Variants in SLC71A2 observed in about 807,000 individuals in gnomAD.
The protein encoded by SLC71A2 is hippocampus abundant transcript-like 1.
the SLC71A2 span, among the ~76,000 whole-genome samples, chr9:94,389,532 G>A: frequency 2.0e-5 from 3 of 150,940 alleles, no homozygotes; most frequent in African/African-American, 4.9e-5. Context: ...GCCCGCCTTG[G>A]CCTCCCAAAG....
the SLC71A2 span, among the ~76,000 whole-genome samples, chr9:94,435,643 C>CCTT: frequency 7.6e-6 from 1 of 132,404 alleles, no homozygotes; most frequent in East Asian, 2.1e-4. Context: ...GAACCTTTTT[C>CCTT]CTTCTTCTTT....
At chr9:94,442,578 C>T in the SLC71A2 span, among the ~76,000 whole-genome samples, 954 of 152,218 alleles carry the variant, frequency 6.3e-3, 8 homozygotes, top group African/African-American at 0.021. Flanking sequence ...AGGCCGGGTG[C>T]GGTGGCTCAC....
At chr9:94,400,691 C>T in the SLC71A2 span, among the ~76,000 whole-genome samples, 6 of 152,080 alleles carry the variant, frequency 3.9e-5, no homozygotes, top group Admixed American at 6.6e-5. Flanking sequence ...CTACATTCTG[C>T]GTTCCATCCT....
the SLC71A2 span, among the ~76,000 whole-genome samples, chr9:94,395,334 TTTC>T: frequency 6.6e-6 from 1 of 152,204 alleles, no homozygotes; most frequent in African/African-American, 2.4e-5. Flanking sequence ...ATATTCTTGA[TTTC>T]TTAACTTGCT....
the SLC71A2 span, among the ~76,000 whole-genome samples, chr9:94,413,127 T>A: frequency 8.3e-4 from 126 of 151,432 alleles, 1 homozygote; most frequent in African/African-American, 3.0e-3. Context: ...AGTATCAAGA[T>A]CATGAAAGTA....
At chr9:94,445,794 A>T in the SLC71A2 span, among the ~76,000 whole-genome samples, 1 of 152,188 alleles carries the variant, frequency 6.6e-6, no homozygotes, top group Non-Finnish European at 1.5e-5. Context: ...TAGACAAAAA[A>T]AGAACCAGCA....
chr9:94,455,705 C>T, the SLC71A2 span, among the ~76,000 whole-genome samples: 1 of 152,158 alleles, frequency 6.6e-6, no homozygotes, highest in Admixed American at 6.5e-5. Context: ...CTCACTCACA[C>T]TTCATACTGA....
chr9:94,400,935 A>T, the SLC71A2 span, among the ~76,000 whole-genome samples: 2 of 151,952 alleles, frequency 1.3e-5, no homozygotes, highest in African/African-American at 4.8e-5. Flanking sequence ...TTTTTCCGGA[A>T]TGCCCTTTAA....
chr9:94,416,661 C>T, the SLC71A2 span, among the ~76,000 whole-genome samples: 1 of 152,070 alleles, frequency 6.6e-6, no homozygotes, highest in Admixed American at 6.6e-5. Context: ...TCGAGACCAG[C>T]CTGACCAACA....
the SLC71A2 span, among the ~76,000 whole-genome samples, chr9:94,428,584 A>G: frequency 7.3e-6 from 1 of 136,216 alleles, no homozygotes; most frequent in Admixed American, 7.6e-5. Flanking sequence ...TTCCCTACAT[A>G]TGCATACCCC....
the SLC71A2 span, among the ~76,000 whole-genome samples, chr9:94,398,542 G>A: frequency 6.6e-6 from 1 of 152,066 alleles, no homozygotes; most frequent in Non-Finnish European, 1.5e-5. Context: ...TAATCTAAAT[G>A]GGTCCAGGTG....
the SLC71A2 span, among the ~76,000 whole-genome samples, chr9:94,388,838 A>T: frequency 6.6e-6 from 1 of 152,234 alleles, no homozygotes; most frequent in Non-Finnish European, 1.5e-5. Flanking sequence ...AGAAAAAAAT[A>T]AAAAGACCAG....
At chr9:94,441,075 C>T in the SLC71A2 span, 32 of 1,604,274 alleles carry the variant, frequency 2.0e-5, no homozygotes, top group Middle Eastern at 3.3e-4. Flanking sequence ...CTCAGGAGCA[C>T]GAGCGAAGTA....
chr9:94,456,272 T>C, the SLC71A2 span: 12 of 1,614,038 alleles, frequency 7.4e-6, no homozygotes, highest in Non-Finnish European at 1.7e-6. Context: ...GTGGCTGCCA[T>C]GTCCAGCATC....
At chr9:94,454,132 G>A in the SLC71A2 span, 11 of 1,161,386 alleles carry the variant, frequency 9.5e-6, no homozygotes, top group African/African-American at 1.5e-5. Context: ...GGAGCTTGGG[G>A]TGGTTGGGTG....
the SLC71A2 span, among the ~76,000 whole-genome samples, chr9:94,447,757 A>T: frequency 6.6e-5 from 10 of 152,148 alleles, no homozygotes; most frequent in Non-Finnish European, 1.5e-4. Context: ...TGATGACATG[A>T]TAACATGTAT....
chr9:94,459,564 C>A, the SLC71A2 span: 1 of 607,574 alleles, frequency 1.6e-6, no homozygotes, highest in Non-Finnish European at 2.5e-6. Context: ...TCTGCTCATC[C>A]TCCTCCTGTT....
At chr9:94,398,060 A>G in the SLC71A2 span, among the ~76,000 whole-genome samples, 1 of 151,338 alleles carries the variant, frequency 6.6e-6, no homozygotes, top group African/African-American at 2.4e-5. Flanking sequence ...TCTGCATGGG[A>G]GATTTGCTTG....
At chr9:94,448,081 T>G in the SLC71A2 span, among the ~76,000 whole-genome samples, 1 of 150,782 alleles carries the variant, frequency 6.6e-6, no homozygotes, top group South Asian at 2.1e-4. Flanking sequence ...ATAAAGCTGC[T>G]GTAACATTCA....
Sources: gnomAD v4.1 joint callset for allele counts (sites outside exome capture counted in the v4.1 genomes callset) on GRCh38, gnomAD v4.1.1 for gene constraint, MANE v1.5 for transcripts, NCBI Gene and HGNC (gene_info 2026-07-23, HGNC 2026-07-21) for gene names.